Variants in PIP4K2A observed in about 807,000 individuals in gnomAD.
PIP4K2A encodes the protein phosphatidylinositol-5-phosphate 4-kinase type 2 alpha.
In PIP4K2A, 14 loss-of-function variants were observed where a neutral mutation model predicts 42.9. The ratio of observed to expected loss-of-function variants is 0.33; its 90% confidence interval spans 0.22 to 0.51. The LOEUF is 0.51. PIP4K2A is among the 20% of genes least tolerant of loss of function. PIP4K2A has a pLI of 0.97. For missense variants in PIP4K2A, 434 were observed against 519.8 expected (o/e 0.83, Z 1.61); for synonymous variants, 192 against 192.2 (o/e 1.00, Z 0.01).
intron 4 of PIP4K2A, among the ~76,000 whole-genome samples, chr10:22,576,708 T>A (rs760676153): frequency 2.0e-5 from 3 of 152,200 alleles, no homozygotes; most frequent in African/African-American, 7.2e-5. Context: ...AAAAGTAGTA[T>A]GGAAGTGTTA....
chr10:22,671,530 C>T (rs1839449955), intron 1 of PIP4K2A, among the ~76,000 whole-genome samples: 1 of 152,086 alleles, frequency 6.6e-6, no homozygotes, highest in Non-Finnish European at 1.5e-5. Context: ...GACTGCCCAC[C>T]TGGGTCCTGC....
chr10:22,562,424 T>C (rs1425270985), intron 6 of PIP4K2A, among the ~76,000 whole-genome samples: 3 of 152,040 alleles, frequency 2.0e-5, no homozygotes, highest in African/African-American at 7.2e-5. Context: ...TGACAGGCGC[T>C]TGTAGTCCCA....
At chr10:22,658,677 G>A (rs1839147627) in intron 1 of PIP4K2A, among the ~76,000 whole-genome samples, 1 of 152,156 alleles carries the variant, frequency 6.6e-6, no homozygotes, top group Admixed American at 6.5e-5. Flanking sequence ...TTGCTGCGCA[G>A]CAAAAGATCC....
intron 3 of PIP4K2A, among the ~76,000 whole-genome samples, chr10:22,602,356 T>C (rs1837802548): frequency 6.8e-6 from 1 of 146,342 alleles, no homozygotes; most frequent in Non-Finnish European, 1.5e-5. Context: ...ATTGTGCCAC[T>C]GTACTCCAGC....
At chr10:22,613,042 T>G (rs1838092333) in intron 1 of PIP4K2A, among the ~76,000 whole-genome samples, 1 of 152,050 alleles carries the variant, frequency 6.6e-6, no homozygotes. Context: ...AGGGGAAAAC[T>G]GCCATCGAGG....
intron 4 of PIP4K2A, 45 bp downstream of exon 4, chr10:22,591,584 A>C (rs1406799689): frequency 6.8e-7 from 1 of 1,466,902 alleles, no homozygotes; most frequent in East Asian, 2.3e-5. Flanking sequence ...ATCGCTACGC[A>C]TGTTAATCTT....
intron 5 of PIP4K2A, 137 bp from the exon 6 acceptor site, chr10:22,568,026 C>A: frequency 1.3e-6 from 1 of 762,172 alleles, no homozygotes; most frequent in Admixed American, 1.9e-5. Context: ...GCGGAATGGG[C>A]TTCTCATCCC....
intron 5 of PIP4K2A, among the ~76,000 whole-genome samples, chr10:22,569,309 C>T (rs1836925314): frequency 6.6e-6 from 1 of 152,190 alleles, no homozygotes; most frequent in Non-Finnish European, 1.5e-5. Flanking sequence ...CAATGTTTCT[C>T]AGGGCGATTC....
At chr10:22,614,533 G>A (rs1178359165) in intron 1 of PIP4K2A, among the ~76,000 whole-genome samples, 6 of 152,018 alleles carry the variant, frequency 3.9e-5, no homozygotes, top group East Asian at 1.9e-4. Context: ...AAACTTCTTC[G>A]TCAGGTGGTA....
At chr10:22,667,865 CTGTGTGTGTGTGTGTGTGTGTGTGTG>C (rs10603287) in intron 1 of PIP4K2A, among the ~76,000 whole-genome samples, 3 of 132,636 alleles carry the variant, frequency 2.3e-5, no homozygotes, top group South Asian at 2.6e-4. Flanking sequence ...CAGTGAACTT[CTGTGTGTGTGTGTGTGTGTGTGTGTG>C]TGTGTGTGTG....
In PIP4K2A at chr10:22,697,065, CCTTT is replaced by C; in HGVS notation, c.144+17114_144+17117del. 3.3e-5 allele frequency among the ~76,000 whole-genome samples: 5 copies of C among 151,636 alleles called. No individual in the cohort carries two copies. The South Asian group carries it at 1.0e-3, about 32-fold the overall frequency. On this transcript the variant is annotated intron_variant, in intron 1 of 9. Coordinates refer to ENST00000376573, the MANE Select transcript of PIP4K2A (RefSeq NM_005028.5). Reference sequence around the variant, plus strand: ...GCTACAGTTTATAAGCGTGACCTTTCCTTTCTTTCTAAGAGCTCTACTTTTTTCC... The same window carrying C: ...GCTACAGTTTATAAGCGTGACCTTTCCTTTCTAAGAGCTCTACTTTTTTCC...
intron 6 of PIP4K2A, among the ~76,000 whole-genome samples, chr10:22,557,737 G>A (rs1836586977): frequency 6.6e-6 from 1 of 152,152 alleles, no homozygotes; most frequent in Admixed American, 6.5e-5. Context: ...GATTTTTAAT[G>A]ATCATTCTAA....
At position 22,620,048 on chromosome 10, in the gene PIP4K2A, T is replaced by C. The variant is rs138460993; in HGVS notation, c.145-10331A>G. ...TTAAGTCAATCTTTTGATTAATGGC[T>C]ACTTGACTAAAATTAAAATGTCATC... On this transcript the variant is annotated intron_variant, in intron 1 of 9. Transcript: ENST00000376573. Among the ~76,000 whole-genome samples, 27 of 152,366 alleles carry C rather than the reference T, an allele frequency of 1.8e-4. No individual in the cohort carries two copies. The East Asian group carries it at 5.0e-3, about 28-fold the overall frequency.
intron 1 of PIP4K2A, among the ~76,000 whole-genome samples, chr10:22,697,834 G>A (rs113080883): frequency 6.6e-6 from 1 of 152,220 alleles, no homozygotes; most frequent in Non-Finnish European, 1.5e-5. Context: ...TTCTGAAACG[G>A]TTCATGTGAA....
At position 22,645,561 on chromosome 10, in the gene PIP4K2A, A is replaced by G. The variant is rs537446552; in HGVS notation, c.145-35844T>C. 1.1e-3 allele frequency among the ~76,000 whole-genome samples: 167 copies of G among 150,846 alleles called. 2 individuals are homozygous for G. In the East Asian group the frequency reaches 0.021, roughly 19 times the overall value. ...GATTCTATTTCTTTAAAAAAAAAAA[A>G]AAAAGAAAAGAAAAGAAAAGAAAGA... On this transcript the variant is annotated intron_variant, in intron 1 of 9. Transcript: ENST00000376573.
intron 1 of PIP4K2A, among the ~76,000 whole-genome samples, chr10:22,710,083 T>A (rs1379346115): frequency 4.1e-5 from 6 of 147,262 alleles, no homozygotes; most frequent in African/African-American, 1.0e-4. Context: ...AAAAAAAAAA[T>A]TATGATGTAT....
At chr10:22,621,972 T>C (rs1349467399) in intron 1 of PIP4K2A, among the ~76,000 whole-genome samples, 1 of 152,220 alleles carries the variant, frequency 6.6e-6, no homozygotes, top group Non-Finnish European at 1.5e-5. Flanking sequence ...TGCTGCCATT[T>C]ACACTGCTTT....
At chr10:22,708,958 AT>A (rs1020058892) in intron 1 of PIP4K2A, among the ~76,000 whole-genome samples, 6 of 151,988 alleles carry the variant, frequency 3.9e-5, no homozygotes, top group African/African-American at 1.4e-4. Flanking sequence ...ATGTTTTTAC[AT>A]TTTTTGTAGA....
At chr10:22,586,782 C>T (rs576449580) in intron 4 of PIP4K2A, among the ~76,000 whole-genome samples, 7 of 152,256 alleles carry the variant, frequency 4.6e-5, no homozygotes, top group Admixed American at 1.3e-4. Flanking sequence ...CCACCCACCT[C>T]GGCCTCCCAA....
Sources: gnomAD v4.1 joint callset for allele counts (sites outside exome capture counted in the v4.1 genomes callset) on GRCh38, gnomAD v4.1.1 for gene constraint, MANE v1.5 for transcripts, NCBI Gene and HGNC (gene_info 2026-07-23, HGNC 2026-07-21) for gene names.